MIA2: variants seen among roughly 807,000 people sequenced by gnomAD.
MIA2 encodes melanoma inhibitory activity protein 2.
MIA2 carries 127 observed loss-of-function variants against 167.8 expected under a neutral mutation model. That is an observed-to-expected ratio of 0.76 (90% CI 0.66 to 0.88). MIA2 has a LOEUF of 0.88. Ranked by LOEUF, MIA2 falls within the 40% of genes least tolerant of loss-of-function variation. The pLI is 0.00. For synonymous variants in MIA2, 552 were observed against 541.9 expected, an observed-to-expected ratio of 1.02 and a Z score of -0.26; for missense variants, 1,690 against 1,624.7, an observed-to-expected ratio of 1.04 and a Z score of -0.69.
chr14:39,380,650 A>AGTGGAGAG, intron 23 of MIA2, among the ~76,000 whole-genome samples: 1 of 142,654 alleles, frequency 7.0e-6, no homozygotes, highest in Non-Finnish European at 1.5e-5. Context: ...CTGAGATCGC[A>AGTGGAGAG]CCACTGCACT....
intron 25 of MIA2, among the ~76,000 whole-genome samples, chr14:39,333,095 A>G (rs2069325052): frequency 6.6e-6 from 1 of 152,026 alleles, no homozygotes; most frequent in Non-Finnish European, 1.5e-5. Context: ...TGAGTATATT[A>G]GTTTTATAAT....
intron 9 of MIA2, among the ~76,000 whole-genome samples, chr14:39,290,591 C>T (rs1026415391): frequency 6.6e-6 from 1 of 152,168 alleles, no homozygotes; most frequent in Admixed American, 6.5e-5. Context: ...CTATATATTT[C>T]TCTTTAATGA....
Position 39,320,962 on chromosome 14 carries a change from G to C in MIA2, c.3402G>C (p.Trp1134Cys), listed in dbSNP as rs1190781623. ...HSPYGPSPLGWPSSETRAFLS... is the reference protein window; with the variant it reads ...HSPYGPSPLGCPSSETRAFLS... Reference sequence around the variant, plus strand: ...CATATGGTCCCTCACCATTGGGTTGGCCTTCATCTGAAACAAGAGCTTTTC... The same window carrying C: ...CATATGGTCCCTCACCATTGGGTTGCCCTTCATCTGAAACAAGAGCTTTTC... The change falls in exon 24 of 29, where the codon TGG becomes TGC. Residue 1134 changes from tryptophan (W) to cysteine (C), a missense_variant. By Grantham distance (215) the Trp-to-Cys change is radical (BLOSUM62 -2). Coordinates refer to ENST00000640607, the MANE Select transcript of MIA2 (RefSeq NM_001329214.4). 1 of 1,613,674 alleles carries C rather than the reference G, an allele frequency of 6.2e-7. No individual in the cohort carries two copies. The highest frequency in any genetic ancestry group is 8.5e-7 in the Non-Finnish European group (1 of 1,179,736).
intron 17 of MIA2, among the ~76,000 whole-genome samples, chr14:39,306,100 G>T (rs1486801398): frequency 2.0e-5 from 3 of 151,898 alleles, no homozygotes; most frequent in Non-Finnish European, 4.4e-5. Flanking sequence ...CTAGGTCAAT[G>T]AATTTTTTTT....
intron 6 of MIA2, among the ~76,000 whole-genome samples, chr14:39,255,606 A>G (rs925373761): frequency 6.6e-6 from 1 of 152,170 alleles, no homozygotes; most frequent in Non-Finnish European, 1.5e-5. Context: ...AATAGTCCAT[A>G]ATAAAACTTT....
chr14:39,331,500 G>T (rs1054496844), intron 25 of MIA2, among the ~76,000 whole-genome samples: 15 of 152,090 alleles, frequency 9.9e-5, no homozygotes, highest in African/African-American at 3.4e-4. Context: ...CTGTTATTAT[G>T]ATGCTAGCTG....
At chr14:39,364,077 G>A (rs1180413505) in intron 23 of MIA2, among the ~76,000 whole-genome samples, 1 of 151,952 alleles carries the variant, frequency 6.6e-6, no homozygotes, top group African/African-American at 2.4e-5. Flanking sequence ...TTGTTTTCTG[G>A]GGCCGGGCAC....
At chr14:39,341,159 G>A (rs62000690) in intron 25 of MIA2, among the ~76,000 whole-genome samples, 5,309 of 152,002 alleles carry the variant, frequency 0.035, 137 homozygotes, top group Non-Finnish European at 0.049. Flanking sequence ...AAAATTAGCC[G>A]GGTGTGGTGG....
rs1164609516 is a variant in MIA2 at position 39,320,986 on chromosome 14, T to A, written c.3426T>A (p.Phe1142Leu). Residue 1142 changes from phenylalanine to leucine, a missense_variant, in exon 24 of 29, where the codon TTT becomes TTA. By Grantham distance (22) the Phe-to-Leu change is conservative. Transcript: ENST00000640607. Reference protein sequence around the residue: ...LGWPSSETRAFLSPPTLLEGP... With the variant: ...LGWPSSETRALLSPPTLLEGP... Reference sequence around the variant, plus strand: ...GGCCTTCATCTGAAACAAGAGCTTTTCTCTCTCCTCCAACTTTGTTGGAGG... The same window carrying A: ...GGCCTTCATCTGAAACAAGAGCTTTACTCTCTCCTCCAACTTTGTTGGAGG... The A allele has an allele frequency of 6.2e-7, 1 of 1,613,678 alleles. No homozygotes were observed. The highest frequency in any genetic ancestry group is 1.3e-5 in the African/African-American group (1 of 74,902).
chr14:39,306,205 G>A (rs909899064), intron 17 of MIA2, among the ~76,000 whole-genome samples: 1 of 151,958 alleles, frequency 6.6e-6, no homozygotes, highest in African/African-American at 2.4e-5. Context: ...TATGTAAACT[G>A]TTCTTTTGGT....
rs781781904 is a variant in MIA2 at position 39,350,252 on chromosome 14, G to T, written c.4227G>T (p.Gln1409His). 2 of 1,467,168 alleles carry T rather than the reference G, an allele frequency of 1.4e-6. No homozygotes were observed. Among genetic ancestry groups the T allele is most frequent in the Admixed American group, 2.6e-5 (1 of 38,208 alleles). The allele number at this position is 1,467,168 out of a possible 1,614,324, so 90.9% of individuals were successfully genotyped here. A position where few individuals can be genotyped will look rare whatever the true frequency, so the allele number is the denominator to read the frequency against. ...CTGCTACTGAACATCCAGAACCACA[G>T]CAAGAAACCTGACAATATTTTTGCT... is the stretch of plus-strand genomic sequence containing the variant. Reference protein sequence around the residue: ...NEPATEHPEPQQET With the variant: ...NEPATEHPEPHQET Residue 1409 changes from glutamine to histidine, a missense_variant, in exon 29 of 29, where the codon CAG (glutamine) becomes CAT (histidine). Gln to His is a conservative substitution (Grantham distance 24). Coordinates refer to ENST00000640607, the MANE Select transcript of MIA2 (RefSeq NM_001329214.4).
chr14:39,358,597 A>C (rs2074594873), intron 23 of MIA2, among the ~76,000 whole-genome samples: 4 of 152,028 alleles, frequency 2.6e-5, no homozygotes, highest in Admixed American at 2.6e-4. Context: ...GTTGGTGAGG[A>C]GCTGTGTTCC....
chr14:39,340,132 C>A (rs986690566), intron 25 of MIA2, among the ~76,000 whole-genome samples: 2 of 152,208 alleles, frequency 1.3e-5, no homozygotes, highest in Non-Finnish European at 2.9e-5. Flanking sequence ...CGTGAGCCAC[C>A]ACGCCCTCCT....
chr14:39,377,201 T>TC (rs1225832334), intron 23 of MIA2, among the ~76,000 whole-genome samples: 1 of 149,418 alleles, frequency 6.7e-6, no homozygotes, highest in Non-Finnish European at 1.5e-5. Flanking sequence ...GGTTGTGAAG[T>TC]CTCATGTCCT....
chr14:39,252,308 G>T (rs558308711), intron 4 of MIA2, among the ~76,000 whole-genome samples: 1 of 152,280 alleles, frequency 6.6e-6, no homozygotes, highest in African/African-American at 2.4e-5. Context: ...CTACTTATAA[G>T]AGGAAGGCAG....
At chr14:39,265,922 C>T in intron 6 of MIA2, 7 of 961,782 alleles carry the variant, frequency 7.3e-6, no homozygotes, top group Non-Finnish European at 8.7e-6. Context: ...GCAATTTTGG[C>T]TACTCTGATA....
intron 23 of MIA2, among the ~76,000 whole-genome samples, chr14:39,359,740 G>A (rs1418285871): frequency 6.6e-6 from 1 of 152,156 alleles, no homozygotes; most frequent in East Asian, 1.9e-4. Context: ...ATTGATAGAT[G>A]CTTAGGTTGA....
At chr14:39,380,414 C>T (rs546458543) in intron 23 of MIA2, among the ~76,000 whole-genome samples, 1 of 152,066 alleles carries the variant, frequency 6.6e-6, no homozygotes, top group African/African-American at 2.4e-5. Context: ...AAAATTGATG[C>T]TGGAGTGCTG....
Position 39,253,923 on chromosome 14 carries a change from A to G in MIA2, c.1887+752A>G, listed in dbSNP as rs114348245. Among the ~76,000 whole-genome samples, 394 of 152,366 alleles carry G rather than the reference A, an allele frequency of 2.6e-3. 2 individuals are homozygous for G. The highest frequency in any genetic ancestry group is 0.017 in the Middle Eastern group (5 of 294). ...TCTACTGCTGTGATAGAAATAATTG[A>G]GGAAGCACTTTTATCTTCTTATTTA... On this transcript the variant is annotated intron_variant, in intron 6 of 28. Transcript: ENST00000640607.
Sources: gnomAD v4.1 joint callset for allele counts (sites outside exome capture counted in the v4.1 genomes callset) on GRCh38, gnomAD v4.1.1 for gene constraint, MANE v1.5 for transcripts, NCBI Gene and HGNC (gene_info 2026-07-23, HGNC 2026-07-21) for gene names.